The following KIAA1217 variants were observed in gnomAD, a reference collection of about 807,000 sequenced individuals.
KIAA1217 encodes sickle tail protein homolog.
A neutral mutation model predicts 163.9 loss-of-function variants in KIAA1217; 88 were observed. The observed-to-expected ratio is 0.54, with a 90% confidence interval of 0.45 to 0.64. The LOEUF is 0.64. Among genes scored for constraint, KIAA1217 ranks in the 30% least tolerant of loss-of-function variants. KIAA1217 has a pLI of 0.00. For synonymous variants in KIAA1217, 903 were observed against 923.1 expected (o/e 0.98, Z 0.39); for missense variants, 2,372 against 2,475.0 (o/e 0.96, Z 0.88).
chr10:24,099,586 T>TATA (rs1306527831), intron 2 of KIAA1217, among the ~76,000 whole-genome samples: 1 of 143,456 alleles, frequency 7.0e-6, no homozygotes, highest in Non-Finnish European at 1.5e-5. Flanking sequence ...TATATATATA[T>TATA]TATATATATA....
chr10:23,895,520 T>C, intron 1 of KIAA1217, among the ~76,000 whole-genome samples: 1 of 152,018 alleles, frequency 6.6e-6, no homozygotes, highest in Non-Finnish European at 1.5e-5. Flanking sequence ...TGTGGAGAAA[T>C]AGGAACACTT....
chr10:24,264,531 G>C (rs557138049), intron 2 of KIAA1217, among the ~76,000 whole-genome samples: 1 of 152,230 alleles, frequency 6.6e-6, no homozygotes, highest in South Asian at 2.1e-4. Context: ...CACACAAACA[G>C]AGGTGCACAG....
chr10:23,760,752 G>C (rs1302512279), intron 1 of KIAA1217, among the ~76,000 whole-genome samples: 39 of 152,064 alleles, frequency 2.6e-4, no homozygotes, highest in Admixed American at 2.5e-3. Context: ...ACCAGCCTGA[G>C]CAACATAGCA....
At chr10:24,036,034 G>A (rs1359877489) in intron 2 of KIAA1217, among the ~76,000 whole-genome samples, 1 of 152,208 alleles carries the variant, frequency 6.6e-6, no homozygotes, top group Non-Finnish European at 1.5e-5. Flanking sequence ...TAGAGCCCAG[G>A]TGAAGGCCAG....
intron 1 of KIAA1217, among the ~76,000 whole-genome samples, chr10:23,823,527 A>G (rs1168682207): frequency 6.6e-6 from 1 of 151,960 alleles, no homozygotes; most frequent in African/African-American, 2.4e-5. Context: ...ATCCAGGATA[A>G]CTCCCTCAAA....
chr10:24,292,892 C>G (rs572416468), intron 2 of KIAA1217, among the ~76,000 whole-genome samples: 20 of 152,144 alleles, frequency 1.3e-4, no homozygotes, highest in African/African-American at 4.8e-4. Context: ...AGAAAGGTGG[C>G]CTGAAATATG....
At chr10:24,527,895 A>G (rs778571671) in intron 13 of KIAA1217, 41 bp from the exon 14 acceptor site, 29 of 1,523,260 alleles carry the variant, frequency 1.9e-5, no homozygotes, top group South Asian at 1.8e-4. Flanking sequence ...GTTCTCCTCT[A>G]TGTGTCCACG....
chr10:24,270,332 C>G (rs184809481), intron 2 of KIAA1217, among the ~76,000 whole-genome samples: 161 of 152,274 alleles, frequency 1.1e-3, no homozygotes, highest in African/African-American at 3.9e-3. Flanking sequence ...CATCTTCCCC[C>G]ACTTACTGGG....
At chr10:24,521,042 G>GTTT (rs35646554) in intron 11 of KIAA1217, among the ~76,000 whole-genome samples, 11 of 111,420 alleles carry the variant, frequency 9.9e-5, no homozygotes, top group African/African-American at 1.8e-4. Context: ...AAAAAAAAAA[G>GTTT]TTTTTTTTTT....
intron 16 of KIAA1217, among the ~76,000 whole-genome samples, chr10:24,535,734 A>C (rs1191655619): frequency 6.6e-6 from 1 of 152,160 alleles, no homozygotes; most frequent in Non-Finnish European, 1.5e-5. Flanking sequence ...CTGAGATCTC[A>C]CCACTGCACT....
intron 1 of KIAA1217, among the ~76,000 whole-genome samples, chr10:23,969,309 A>G (rs1845205327): frequency 1.3e-5 from 2 of 152,196 alleles, no homozygotes; most frequent in Non-Finnish European, 2.9e-5. Flanking sequence ...TGCTGGGATT[A>G]TAGGCATGAG....
chr10:23,832,602 A>G (rs1026123117), intron 1 of KIAA1217, among the ~76,000 whole-genome samples: 58 of 152,232 alleles, frequency 3.8e-4, no homozygotes, highest in Admixed American at 1.5e-3. Context: ...GCTCCCAGTT[A>G]TCAGTTGTCT....
At chr10:24,471,530 G>T (rs184503616) in intron 5 of KIAA1217, among the ~76,000 whole-genome samples, 11 of 151,532 alleles carry the variant, frequency 7.3e-5, no homozygotes, top group African/African-American at 2.7e-4. Context: ...AATTACAGTT[G>T]ACCATTGAAC....
At chr10:24,282,680 T>G (rs1230608328) in intron 2 of KIAA1217, among the ~76,000 whole-genome samples, 1 of 152,134 alleles carries the variant, frequency 6.6e-6, no homozygotes, top group Non-Finnish European at 1.5e-5. Context: ...CTTTGTTTTT[T>G]GTTGTTGTTT....
At chr10:24,018,571 TAATA>T (rs1847593436) in intron 2 of KIAA1217, among the ~76,000 whole-genome samples, 1 of 150,914 alleles carries the variant, frequency 6.6e-6, no homozygotes, top group Non-Finnish European at 1.5e-5. Flanking sequence ...TAATAAAAAA[TAATA>T]ATAATAAATA....
At chr10:23,902,827 G>A (rs1363618896) in intron 1 of KIAA1217, among the ~76,000 whole-genome samples, 1 of 152,112 alleles carries the variant, frequency 6.6e-6, no homozygotes, top group Admixed American at 6.6e-5. Context: ...TGTGAGTGCA[G>A]TTCATCTTAA....
chr10:24,480,427 G>A (rs1450482511), intron 6 of KIAA1217, among the ~76,000 whole-genome samples: 5 of 152,220 alleles, frequency 3.3e-5, no homozygotes, highest in African/African-American at 4.8e-5. Flanking sequence ...TTCAGAGGCA[G>A]TAACTTGTAA....
intron 12 of KIAA1217, 99 bp downstream of exon 12, chr10:24,522,028 G>A (rs1289480685): frequency 7.3e-7 from 1 of 1,361,634 alleles, no homozygotes. Context: ...CATGCTCCCA[G>A]GACACATCCA....
chr10:24,418,709 A>T (rs188003654), intron 3 of KIAA1217, among the ~76,000 whole-genome samples: 1 of 152,306 alleles, frequency 6.6e-6, no homozygotes, highest in East Asian at 1.9e-4. Flanking sequence ...TGCAGGAAGT[A>T]TAAATCTCCT....
Sources: allele counts gnomAD v4.1 joint callset (sites outside exome capture counted in the v4.1 genomes callset), GRCh38; gene constraint gnomAD v4.1.1; transcripts MANE v1.5; gene names NCBI Gene and HGNC (gene_info 2026-07-23, HGNC 2026-07-21).